Variants in MBNL1 observed in about 807,000 individuals in gnomAD.
MBNL1 encodes muscleblind like splicing regulator 1.
Under a neutral mutation model 42.2 loss-of-function variants are expected in MBNL1, and 8 were observed. That is an observed-to-expected ratio of 0.19 (90% CI 0.11 to 0.34). The LOEUF (loss-of-function observed/expected upper bound fraction) is 0.34, where lower values mean the gene tolerates loss of function less well. Among genes scored for constraint, MBNL1 ranks in the 10% least tolerant of loss-of-function variants. MBNL1 has a pLI of 1.00. For missense variants in MBNL1, 309 were observed against 495.3 expected, an observed-to-expected ratio of 0.62 and a Z score of 3.57; for synonymous variants, 169 against 173.9, an observed-to-expected ratio of 0.97 and a Z score of 0.22.
chr3:152,262,607 CA>C (rs752019368), intron 2 of MBNL1: 1 of 152,286 alleles, frequency 6.6e-6, no homozygotes, highest in Non-Finnish European at 1.5e-5. Context: ...ATAAATAAGA[CA>C]ATGGCCATAT....
chr3:152,245,331 T>C (rs956935533), intron 2 of MBNL1, among the ~76,000 whole-genome samples: 3 of 152,176 alleles, frequency 2.0e-5, no homozygotes, highest in Non-Finnish European at 4.4e-5. Context: ...CTTTATACTT[T>C]GGTAAAAACA....
chr3:152,321,444 A>G (rs374204666), intron 2 of MBNL1, among the ~76,000 whole-genome samples: 3 of 152,052 alleles, frequency 2.0e-5, no homozygotes, highest in African/African-American at 7.2e-5. Flanking sequence ...TTTTTCTGCA[A>G]ATAGGGTGAG....
intron 2 of MBNL1, among the ~76,000 whole-genome samples, chr3:152,353,770 C>T (rs2095295464): frequency 1.3e-5 from 2 of 148,696 alleles, no homozygotes; most frequent in Admixed American, 6.9e-5. Flanking sequence ...ATCTGGCATG[C>T]AAATTCAGAG....
intron 2 of MBNL1, among the ~76,000 whole-genome samples, chr3:152,412,350 AGAATCACCTG>A (rs998641643): frequency 6.6e-6 from 1 of 152,138 alleles, no homozygotes; most frequent in Non-Finnish European, 1.5e-5. Context: ...CTGCTATATC[AGAATCACCTG>A]GAATGCTTGT....
At chr3:152,443,332 A>G (rs1365027544) in intron 4 of MBNL1, among the ~76,000 whole-genome samples, 1 of 152,130 alleles carries the variant, frequency 6.6e-6, no homozygotes, top group African/African-American at 2.4e-5. Context: ...AGCATATTCA[A>G]GAAAGCAGGA....
At position 152,321,170 on chromosome 3, in the gene MBNL1, T is replaced by C. The variant is rs183642472; in HGVS notation, c.174+20803T>C. Among the ~76,000 whole-genome samples, 4 of 152,220 alleles carry C rather than the reference T, an allele frequency of 2.6e-5. No individual in the cohort carries two copies. In the East Asian group the frequency reaches 5.8e-4, roughly 22 times the overall value. On this transcript the variant is annotated intron_variant, in intron 2 of 9. Transcript: ENST00000324210. ...GTGTTGGTGCCAGTAGTACTGACAA[T>C]TAAATATTTGATTGAGGAGAAACCT... is the stretch of plus-strand genomic sequence containing the variant.
At chr3:152,288,926 C>G (rs1034138681) in intron 1 of MBNL1, among the ~76,000 whole-genome samples, 1 of 152,104 alleles carries the variant, frequency 6.6e-6, no homozygotes, top group Non-Finnish European at 1.5e-5. Flanking sequence ...AATACAAAAA[C>G]AGGCTTTCAT....
chr3:152,335,292 G>A (rs1338101753), intron 2 of MBNL1: 7 of 1,280,172 alleles, frequency 5.5e-6, no homozygotes, highest in Non-Finnish European at 7.1e-6. Context: ...AGGCCTGCTC[G>A]CTCAAGGCCT....
At position 152,358,443 on chromosome 3, in the gene MBNL1, G is replaced by C. The variant is rs530652928; in HGVS notation, c.175-56498G>C. Among the ~76,000 whole-genome samples the C allele has an allele frequency of 5.7e-4, 86 of 152,174 alleles. 2 individuals are homozygous for C. In the South Asian group the frequency reaches 0.017, roughly 30 times the overall value. The stretch of plus-strand genomic sequence containing the variant: ...CAATAAATGATAAGTGACTCATTAG[G>C]ATAAAGGATAGAAAAGAGAGCAAGA... On this transcript the variant is annotated intron_variant, in intron 2 of 9. Coordinates refer to ENST00000324210, the MANE Select transcript of MBNL1 (RefSeq NM_021038.5).
At chr3:152,458,268 C>A (rs1737789171) in intron 8 of MBNL1, 4 of 1,294,214 alleles carry the variant, frequency 3.1e-6, no homozygotes, top group Non-Finnish European at 3.3e-6. Context: ...GTAAAAATGT[C>A]AGCTGAGAAC....
intron 2 of MBNL1, among the ~76,000 whole-genome samples, chr3:152,318,375 T>C (rs926954269): frequency 2.6e-5 from 4 of 152,182 alleles, no homozygotes; most frequent in African/African-American, 9.6e-5. Flanking sequence ...AACAAGAAAT[T>C]ATGTAGCATC....
intron 4 of MBNL1, among the ~76,000 whole-genome samples, chr3:152,438,722 A>C (rs952967253): frequency 1.3e-5 from 2 of 152,220 alleles, no homozygotes; most frequent in Non-Finnish European, 2.9e-5. Context: ...ATGCACTAAA[A>C]GATACTAGCA....
At chr3:152,372,237 G>A (rs1340650362) in intron 2 of MBNL1, among the ~76,000 whole-genome samples, 6 of 152,128 alleles carry the variant, frequency 3.9e-5, no homozygotes, top group African/African-American at 7.2e-5. Flanking sequence ...TCCTTGCAGT[G>A]GGTTAGAATG....
intron 3 of MBNL1, among the ~76,000 whole-genome samples, chr3:152,417,901 G>A (rs750046134): frequency 6.6e-6 from 1 of 152,164 alleles, no homozygotes; most frequent in Non-Finnish European, 1.5e-5. Flanking sequence ...CTAAGCTTGG[G>A]TTATTATGCA....
At chr3:152,314,118 C>T (rs2068847528) in intron 2 of MBNL1, among the ~76,000 whole-genome samples, 1 of 152,130 alleles carries the variant, frequency 6.6e-6, no homozygotes, top group Non-Finnish European at 1.5e-5. Context: ...GTTTATTCAG[C>T]AAAGTACCTG....
chr3:152,382,688 A>T (rs11925092), intron 2 of MBNL1, among the ~76,000 whole-genome samples: 19,940 of 152,160 alleles, frequency 0.13, 1,623 homozygotes, highest in African/African-American at 0.23. Flanking sequence ...AGAATATAAA[A>T]AGGAGTTGAA....
intron 2 of MBNL1, among the ~76,000 whole-genome samples, chr3:152,364,883 T>C (rs1225828737): frequency 6.6e-6 from 1 of 151,748 alleles, no homozygotes; most frequent in Non-Finnish European, 1.5e-5. Context: ...TTCATAACCA[T>C]TTTTAGAGTT....
At chr3:152,345,040 C>A (rs2094001858) in intron 2 of MBNL1, among the ~76,000 whole-genome samples, 1 of 151,980 alleles carries the variant, frequency 6.6e-6, no homozygotes, top group Non-Finnish European at 1.5e-5. Context: ...GTCTAGCATA[C>A]CATTTGGGCA....
At chr3:152,255,439 TGAC>T (rs2035319942) in intron 2 of MBNL1, among the ~76,000 whole-genome samples, 1 of 152,208 alleles carries the variant, frequency 6.6e-6, no homozygotes, top group African/African-American at 2.4e-5. Flanking sequence ...TTGGTGGCTC[TGAC>T]TTTATGGTTC....
Sources: allele counts gnomAD v4.1 joint callset (sites outside exome capture counted in the v4.1 genomes callset), GRCh38; gene constraint gnomAD v4.1.1; transcripts MANE v1.5; gene names NCBI Gene and HGNC (gene_info 2026-07-23, HGNC 2026-07-21).